BCL2L1: variants seen among roughly 807,000 people sequenced by gnomAD.
The protein encoded by BCL2L1 is BCL2 like 1.
In BCL2L1, 1 loss-of-function variant was observed where a neutral mutation model predicts 18.7. The observed-to-expected ratio is 0.05, with a 90% CI of 0.02 to 0.25. The LOEUF is 0.25. Ranked by LOEUF, BCL2L1 falls within the 10% of genes least tolerant of loss-of-function variation. The probability of loss-of-function intolerance (pLI) is 1.00; values close to 1 mark genes in which losing one functional copy is unlikely to be tolerated. For missense variants in BCL2L1, 207 were observed against 304.9 expected, an observed-to-expected ratio of 0.68 and a Z score of 2.39; for synonymous variants, 103 against 122.7, an observed-to-expected ratio of 0.84 and a Z score of 1.06.
At chr20:31,721,032 G>A (rs752417234) in intron 2 of BCL2L1, 15 of 953,496 alleles carry the variant, frequency 1.6e-5, no homozygotes, top group South Asian at 9.7e-5. Context: ...CTTAGGGGGC[G>A]CAGTGCAAAC....
chr20:31,667,892 G>A (rs184033573), intron 2 of BCL2L1, among the ~76,000 whole-genome samples: 4 of 152,268 alleles, frequency 2.6e-5, no homozygotes, highest in Non-Finnish European at 4.4e-5. Flanking sequence ...GCAGTAGAGA[G>A]CAGTGACCCA....
intron 2 of BCL2L1, among the ~76,000 whole-genome samples, chr20:31,717,717 A>G (rs2061559778): frequency 6.6e-6 from 1 of 152,244 alleles, no homozygotes; most frequent in Admixed American, 6.5e-5. Context: ...AAGAAGCCAC[A>G]TTAGGCAATA....
intron 2 of BCL2L1, among the ~76,000 whole-genome samples, chr20:31,704,566 T>G (rs562605910): frequency 2.6e-5 from 4 of 152,298 alleles, no homozygotes; most frequent in Non-Finnish European, 5.9e-5. Context: ...TTAGAGTGGT[T>G]CCTTGCCCTT....
At chr20:31,706,739 T>C (rs1600891615) in intron 2 of BCL2L1, among the ~76,000 whole-genome samples, 1 of 152,254 alleles carries the variant, frequency 6.6e-6, no homozygotes, top group South Asian at 2.1e-4. Flanking sequence ...AATGAATGAA[T>C]GACACAGCTA....
At chr20:31,704,464 C>T (rs1046265316) in intron 2 of BCL2L1, among the ~76,000 whole-genome samples, 36 of 152,310 alleles carry the variant, frequency 2.4e-4, no homozygotes, top group African/African-American at 8.7e-4. Flanking sequence ...TCTAAGGTCC[C>T]TTCCCAGCTT....
chr20:31,667,388 G>C (rs996225336), intron 2 of BCL2L1, among the ~76,000 whole-genome samples: 5 of 151,798 alleles, frequency 3.3e-5, no homozygotes, highest in African/African-American at 1.2e-4. Context: ...TTGAACCCGG[G>C]AGACGGAGGT....
At chr20:31,680,567 A>G (rs964760036) in intron 2 of BCL2L1, among the ~76,000 whole-genome samples, 2 of 152,184 alleles carry the variant, frequency 1.3e-5, no homozygotes, top group Non-Finnish European at 2.9e-5. Flanking sequence ...AAGCTATTAG[A>G]TGAGTTTTCT....
intron 2 of BCL2L1, among the ~76,000 whole-genome samples, chr20:31,693,517 C>T (rs2061118660): frequency 6.6e-6 from 1 of 151,910 alleles, no homozygotes. Flanking sequence ...ACAGGGGGCT[C>T]TAAGGTACTC....
chr20:31,672,361 G>C (rs1053935021), intron 2 of BCL2L1, among the ~76,000 whole-genome samples: 3 of 152,112 alleles, frequency 2.0e-5, no homozygotes, highest in African/African-American at 7.2e-5. Context: ...CTACCTGGGA[G>C]GCTGAGGCAG....
chr20:31,708,873 G>A (rs2061409646), intron 2 of BCL2L1, among the ~76,000 whole-genome samples: 1 of 152,174 alleles, frequency 6.6e-6, no homozygotes. Context: ...CAGGAGACAG[G>A]TGATGTTTAC....
At chr20:31,721,451 A>C in intron 2 of BCL2L1, 1 of 596,172 alleles carries the variant, frequency 1.7e-6, no homozygotes. Flanking sequence ...CCAGGGTGAA[A>C]GATGCCTGAT....
At chr20:31,701,575 T>C (rs1357654892) in intron 2 of BCL2L1, among the ~76,000 whole-genome samples, 1 of 152,254 alleles carries the variant, frequency 6.6e-6, no homozygotes, top group African/African-American at 2.4e-5. Flanking sequence ...TGCTTCCAAC[T>C]CTTTGTAAAA....
chr20:31,720,882 A>G, intron 2 of BCL2L1: 5 of 985,430 alleles, frequency 5.1e-6, no homozygotes, highest in Non-Finnish European at 6.0e-6. Flanking sequence ...CTGGCCGGAA[A>G]GTAACAGGCA....
intron 2 of BCL2L1, among the ~76,000 whole-genome samples, chr20:31,691,152 CAAAAAAAAAAAAAAAAAAAA>C (rs539012918): frequency 4.0e-5 from 1 of 24,852 alleles, no homozygotes; most frequent in African/African-American, 1.2e-4. Context: ...GACTCTGTCT[CAAAAAAAAAAAAAAAAAAAA>C]AAAAAAAAAA....
At chr20:31,705,261 A>G (rs1009503203) in intron 2 of BCL2L1, among the ~76,000 whole-genome samples, 1 of 152,254 alleles carries the variant, frequency 6.6e-6, no homozygotes, top group African/African-American at 2.4e-5. Flanking sequence ...GCAAGTGCTC[A>G]TTGTTAAATA....
intron 2 of BCL2L1, among the ~76,000 whole-genome samples, chr20:31,669,172 C>T (rs1249680885): frequency 6.6e-6 from 1 of 152,088 alleles, no homozygotes; most frequent in African/African-American, 2.4e-5. Context: ...CCTCCTGCCC[C>T]AGCCTCCTGA....
At position 31,670,042 on chromosome 20, in the gene BCL2L1, G is replaced by C. The variant is rs947984570; in HGVS notation, c.565-3956C>G. On this transcript the variant is annotated intron_variant, in intron 2 of 2. Coordinates refer to ENST00000307677, the MANE Select transcript of BCL2L1 (RefSeq NM_138578.3). Reference sequence around the variant, plus strand: ...CTTCAAAGGGAGGGCTGCTATGTCAGGACACTTCCCTGAAGTTGGAGGCTG... The same window carrying C: ...CTTCAAAGGGAGGGCTGCTATGTCACGACACTTCCCTGAAGTTGGAGGCTG... Among the ~76,000 whole-genome samples the C allele has an allele frequency of 3.9e-5, 6 of 152,204 alleles. No homozygotes were observed. In the East Asian group the frequency reaches 9.6e-4, roughly 24 times the overall value.
intron 2 of BCL2L1, chr20:31,721,021 A>G: frequency 1.0e-6 from 1 of 972,784 alleles, no homozygotes; most frequent in Non-Finnish European, 1.2e-6. Context: ...GGGGAAATGA[A>G]CTTAGGGGGC....
intron 2 of BCL2L1, among the ~76,000 whole-genome samples, chr20:31,705,242 C>T (rs1442183149): frequency 6.6e-6 from 1 of 152,288 alleles, no homozygotes; most frequent in East Asian, 1.9e-4. Context: ...TCATATAAAA[C>T]ACTTAAGTGC....
Sources: allele counts gnomAD v4.1 joint callset (sites outside exome capture counted in the v4.1 genomes callset), GRCh38; gene constraint gnomAD v4.1.1; transcripts MANE v1.5; gene names NCBI Gene and HGNC (gene_info 2026-07-23, HGNC 2026-07-21).